The following VAV3 variants were observed in gnomAD, a reference collection of about 807,000 sequenced individuals.
VAV3 encodes the protein vav guanine nucleotide exchange factor 3.
VAV3 carries 94 observed loss-of-function variants against 131.2 expected under a neutral mutation model. The ratio of observed to expected loss-of-function variants is 0.72; its 90% confidence interval spans 0.61 to 0.85. The LOEUF (loss-of-function observed/expected upper bound fraction) is 0.85. Among genes scored for constraint, VAV3 ranks in the 40% least tolerant of loss-of-function variants. The pLI is 0.00. For synonymous variants in VAV3, 349 were observed against 342.0 expected, an observed-to-expected ratio of 1.02 and a Z score of -0.22; for missense variants, 939 against 1,002.7, an observed-to-expected ratio of 0.94 and a Z score of 0.86.
At chr1:107,735,107 A>G (rs181748356) in intron 15 of VAV3, among the ~76,000 whole-genome samples, 4 of 152,342 alleles carry the variant, frequency 2.6e-5, no homozygotes, top group Non-Finnish European at 5.9e-5. Context: ...CTGAATGACT[A>G]CTGGGTAAAT....
chr1:107,788,310 A>G (rs974443585), intron 2 of VAV3, among the ~76,000 whole-genome samples: 2 of 152,034 alleles, frequency 1.3e-5, no homozygotes, highest in Admixed American at 1.3e-4. Flanking sequence ...CAGTACACTC[A>G]GAGAAGTCCC....
chr1:107,835,989 T>C (rs1382952539), intron 2 of VAV3, among the ~76,000 whole-genome samples: 1 of 152,102 alleles, frequency 6.6e-6, no homozygotes, highest in Non-Finnish European at 1.5e-5. Context: ...ACAGGCATGG[T>C]GCCTAAATAT....
intron 2 of VAV3, among the ~76,000 whole-genome samples, chr1:107,830,489 T>G (rs954402285): frequency 6.6e-6 from 1 of 152,036 alleles, no homozygotes; most frequent in Non-Finnish European, 1.5e-5. Context: ...AGAGACAACT[T>G]ATCACAAACA....
chr1:107,820,556 C>A (rs1400890886), intron 2 of VAV3, among the ~76,000 whole-genome samples: 1 of 151,992 alleles, frequency 6.6e-6, no homozygotes, highest in East Asian at 1.9e-4. Flanking sequence ...GATAACACAA[C>A]AGAGTGATTA....
At chr1:107,905,996 C>T (rs113437283) in intron 1 of VAV3, among the ~76,000 whole-genome samples, 1 of 152,092 alleles carries the variant, frequency 6.6e-6, no homozygotes, top group African/African-American at 2.4e-5. Context: ...GCAAAGGGCA[C>T]CACCAGAATG....
intron 22 of VAV3, among the ~76,000 whole-genome samples, chr1:107,608,800 A>T (rs1652497792): frequency 6.6e-6 from 1 of 152,146 alleles, no homozygotes; most frequent in South Asian, 2.1e-4. Context: ...ATATCAGATA[A>T]CTCACATGGT....
chr1:107,814,682 T>G (rs916946482), intron 2 of VAV3, among the ~76,000 whole-genome samples: 1 of 152,234 alleles, frequency 6.6e-6, no homozygotes, highest in Non-Finnish European at 1.5e-5. Flanking sequence ...TCTGATGTCT[T>G]AGCCATAAAA....
At chr1:107,840,672 A>G (rs1163365431) in intron 2 of VAV3, among the ~76,000 whole-genome samples, 1 of 152,208 alleles carries the variant, frequency 6.6e-6, no homozygotes, top group Non-Finnish European at 1.5e-5. Flanking sequence ...AAGTTAAGTC[A>G]GGGGTTCTGG....
intron 19 of VAV3, among the ~76,000 whole-genome samples, chr1:107,656,300 C>T (rs1014224722): frequency 1.3e-5 from 2 of 152,112 alleles, no homozygotes; most frequent in African/African-American, 4.8e-5. Context: ...GAATGAAATC[C>T]TGTCATTTGC....
intron 15 of VAV3, among the ~76,000 whole-genome samples, chr1:107,708,482 A>G (rs1268814773): frequency 6.6e-6 from 1 of 152,166 alleles, no homozygotes; most frequent in African/African-American, 2.4e-5. Context: ...GAATATAACT[A>G]ATCAGGCAAT....
At chr1:107,694,108 A>G (rs1041739671) in intron 17 of VAV3, among the ~76,000 whole-genome samples, 10 of 152,196 alleles carry the variant, frequency 6.6e-5, no homozygotes, top group African/African-American at 2.4e-4. Context: ...TCTTAAAGCC[A>G]ATGGGACCTG....
At chr1:107,841,792 G>A (rs1668720479) in intron 2 of VAV3, among the ~76,000 whole-genome samples, 2 of 152,148 alleles carry the variant, frequency 1.3e-5, no homozygotes, top group Admixed American at 1.3e-4. Context: ...TGCTGTAAGT[G>A]TAAATACAAA....
chr1:107,813,781 C>T (rs1442417404), intron 2 of VAV3, among the ~76,000 whole-genome samples: 1 of 152,152 alleles, frequency 6.6e-6, no homozygotes, highest in Non-Finnish European at 1.5e-5. Context: ...TTTCCAGCAT[C>T]TGGTAACTAT....
chr1:107,728,053 G>A (rs1661959304), intron 15 of VAV3, among the ~76,000 whole-genome samples: 1 of 152,104 alleles, frequency 6.6e-6, no homozygotes. Context: ...GTGGCCTGCT[G>A]GAAATAAATC....
chr1:107,735,390 A>C (rs994502935), intron 15 of VAV3, among the ~76,000 whole-genome samples: 2 of 152,194 alleles, frequency 1.3e-5, no homozygotes, highest in Non-Finnish European at 2.9e-5. Flanking sequence ...AGACACAAAA[A>C]ACCCTTCAAA....
chr1:107,658,757 G>A (rs906760851), intron 19 of VAV3, among the ~76,000 whole-genome samples: 21 of 152,314 alleles, frequency 1.4e-4, no homozygotes, highest in African/African-American at 4.3e-4. Flanking sequence ...CTTTTGAGAA[G>A]TGTCTGTTGA....
intron 18 of VAV3, among the ~76,000 whole-genome samples, chr1:107,684,504 T>G (rs1658882688): frequency 6.6e-6 from 1 of 152,220 alleles, no homozygotes; most frequent in African/African-American, 2.4e-5. Context: ...ACAAGTTAAA[T>G]GGATGAAATG....
At chr1:107,895,261 T>A (rs966762727) in intron 1 of VAV3, among the ~76,000 whole-genome samples, 8 of 152,146 alleles carry the variant, frequency 5.3e-5, no homozygotes, top group African/African-American at 1.7e-4. Context: ...GGAACAAAAA[T>A]CAATATTATT....
intron 1 of VAV3, among the ~76,000 whole-genome samples, chr1:107,940,619 G>A (rs1482041056): frequency 2.6e-5 from 4 of 152,166 alleles, no homozygotes; most frequent in Non-Finnish European, 5.9e-5. Context: ...AAAAAGTGGT[G>A]TCTGTACAAC....
Sources: gnomAD v4.1 joint callset for allele counts (sites outside exome capture counted in the v4.1 genomes callset) on GRCh38, gnomAD v4.1.1 for gene constraint, MANE v1.5 for transcripts, NCBI Gene and HGNC (gene_info 2026-07-23, HGNC 2026-07-21) for gene names.